The following ZNF732 variants were observed in gnomAD, a reference collection of about 807,000 sequenced individuals.
The protein encoded by ZNF732 is zinc finger protein LOC654254.
ZNF732 carries 12 observed loss-of-function variants against 11.5 expected under a neutral mutation model. That is an observed-to-expected ratio of 1.05 (90% CI 0.67 to 1.70). The LOEUF is 1.70. Among genes scored for constraint, ZNF732 ranks in the 40% most tolerant of loss-of-function variants. ZNF732 has a pLI of 0.00. For missense variants in ZNF732, 702 were observed against 676.9 expected (o/e 1.04, Z -0.41); for synonymous variants, 231 against 236.5 (o/e 0.98, Z 0.21).
At chr4:288,565 A>T (rs1380856731) in intron 3 of ZNF732, among the ~76,000 whole-genome samples, 1 of 152,164 alleles carries the variant, frequency 6.6e-6, no homozygotes. Context: ...CATGATGGTT[A>T]GTTTTTGAGT....
At chr4:299,512 T>C (rs1188854280) in intron 1 of ZNF732, among the ~76,000 whole-genome samples, 1 of 129,860 alleles carries the variant, frequency 7.7e-6, no homozygotes, top group African/African-American at 3.0e-5. Flanking sequence ...TACACACATA[T>C]ACGTATATAT....
chr4:280,024 C>A (rs1719584192), intron 3 of ZNF732, among the ~76,000 whole-genome samples: 2 of 151,922 alleles, frequency 1.3e-5, no homozygotes, highest in Non-Finnish European at 2.9e-5. Context: ...GAATTAAACA[C>A]CACATGGTCA....
chr4:271,072 A>G lies in ZNF732; in HGVS notation c.*27T>C. 1 of 1,474,568 alleles carries G rather than the reference A, an allele frequency of 6.8e-7. No homozygotes were observed. Among genetic ancestry groups the G allele is most frequent in the Non-Finnish European group, 9.0e-7 (1 of 1,106,178 alleles). 91.3% of individuals were successfully genotyped at this position (1,474,568 alleles called of 1,614,324 possible). ...GTTCATTCAGGTTTGTGGATCATCC[A>G]AAGGCTTTGCCACATTCTTCATATT... On this transcript the variant is annotated 3_prime_UTR_variant, in exon 4 of 4. Transcript: ENST00000419098.
intron 3 of ZNF732, among the ~76,000 whole-genome samples, chr4:273,753 G>A (rs1371145572): frequency 2.0e-5 from 3 of 151,654 alleles, no homozygotes; most frequent in Admixed American, 1.3e-4. Context: ...CATCTTAGGA[G>A]CTGCAAAATA....
intron 3 of ZNF732, among the ~76,000 whole-genome samples, chr4:275,983 T>G (rs1719487090): frequency 6.6e-6 from 1 of 151,758 alleles, no homozygotes; most frequent in South Asian, 2.1e-4. Flanking sequence ...AAATTATTAA[T>G]AAAATGACTA....
intron 3 of ZNF732, among the ~76,000 whole-genome samples, chr4:276,098 A>G (rs1719489501): frequency 6.6e-6 from 1 of 151,824 alleles, no homozygotes; most frequent in Non-Finnish European, 1.5e-5. Context: ...TTCAAATCAC[A>G]AAAGTGTTAC....
At chr4:295,364 C>T in intron 3 of ZNF732, 74 bp downstream of exon 3, 2 of 1,253,374 alleles carry the variant, frequency 1.6e-6, no homozygotes, top group Non-Finnish European at 1.1e-6. Flanking sequence ...TCCCAAACTA[C>T]ATTTTAAGGC....
chr4:291,485 T>C (rs1553841339), intron 3 of ZNF732, among the ~76,000 whole-genome samples: 1 of 152,044 alleles, frequency 6.6e-6, no homozygotes, highest in Non-Finnish European at 1.5e-5. Context: ...TCAAAATAAA[T>C]TTAACCAATG....
chr4:299,569 A>T (rs1216058933), intron 1 of ZNF732, among the ~76,000 whole-genome samples: 2 of 139,176 alleles, frequency 1.4e-5, no homozygotes, highest in East Asian at 2.0e-4. Context: ...ATATAGTTTT[A>T]TATATATAAT....
At chr4:290,156 A>G (rs370706133) in intron 3 of ZNF732, among the ~76,000 whole-genome samples, 67 of 152,332 alleles carry the variant, frequency 4.4e-4, no homozygotes, top group African/African-American at 1.3e-3. Context: ...CCTACAAAAC[A>G]TAAGTAGAAA....
chr4:283,988 G>A (rs1245097961), intron 3 of ZNF732, among the ~76,000 whole-genome samples: 3 of 152,020 alleles, frequency 2.0e-5, no homozygotes, highest in Non-Finnish European at 4.4e-5. Flanking sequence ...TCGGCTCACT[G>A]CAAGTTCCGC....
chr4:280,290 G>GT (rs1197082198), intron 3 of ZNF732, among the ~76,000 whole-genome samples: 3 of 55,024 alleles, frequency 5.5e-5, no homozygotes, highest in African/African-American at 1.1e-4. Context: ...ATGTACAGCA[G>GT]TAAGAAAAAA....
intron 1 of ZNF732, among the ~76,000 whole-genome samples, chr4:299,188 G>C (rs1480272183): frequency 2.6e-5 from 4 of 151,682 alleles, no homozygotes; most frequent in Non-Finnish European, 5.9e-5. Context: ...TTCTCTCATG[G>C]AGGCTCCTTC....
Position 295,766 on chromosome 4 carries a change from G to C in ZNF732, c.131-233C>G, listed in dbSNP as rs533095842. Among the ~76,000 whole-genome samples, 3 of 152,230 alleles carry C rather than the reference G, an allele frequency of 2.0e-5. No individual in the cohort carries two copies. The East Asian group carries it at 5.8e-4, about 29-fold the overall frequency. ...GTGCAAATTGTATTTTAAGATGTGG[G>C]AAACAATAATTTATGTCATTGAATT... On this transcript the variant is annotated intron_variant, in intron 2 of 3. Coordinates refer to ENST00000419098, the MANE Select transcript of ZNF732 (RefSeq NM_001137608.3).
At chr4:304,757 G>A (rs1437932019) in intron 1 of ZNF732, among the ~76,000 whole-genome samples, 1 of 152,240 alleles carries the variant, frequency 6.6e-6, no homozygotes, top group Non-Finnish European at 1.5e-5. Flanking sequence ...GAACAGCCAC[G>A]CGGAGGAGGC....
intron 3 of ZNF732, among the ~76,000 whole-genome samples, chr4:274,869 ATG>A (rs1489028204): frequency 2.0e-5 from 3 of 151,806 alleles, no homozygotes; most frequent in East Asian, 1.9e-4. Flanking sequence ...ATACGTTAAT[ATG>A]TGTGTGTGTC....
At chr4:274,216 CACA>C (rs1387915786) in intron 3 of ZNF732, among the ~76,000 whole-genome samples, 3 of 151,470 alleles carry the variant, frequency 2.0e-5, no homozygotes, top group Non-Finnish European at 3.0e-5. Context: ...GGTAATAATA[CACA>C]ACAACAATAT....
At chr4:289,483 TG>T (rs1719797018) in intron 3 of ZNF732, among the ~76,000 whole-genome samples, 1 of 152,252 alleles carries the variant, frequency 6.6e-6, no homozygotes, top group East Asian at 1.9e-4. Flanking sequence ...CTTTGAACTC[TG>T]ATTACCAGAA....
At chr4:289,219 G>A (rs1719791570) in intron 3 of ZNF732, among the ~76,000 whole-genome samples, 1 of 152,226 alleles carries the variant, frequency 6.6e-6, no homozygotes, top group Non-Finnish European at 1.5e-5. Flanking sequence ...TTTACCTAAT[G>A]ATTTCTGTGA....
Sources: allele counts gnomAD v4.1 joint callset (sites outside exome capture counted in the v4.1 genomes callset), GRCh38; gene constraint gnomAD v4.1.1; transcripts MANE v1.5; gene names NCBI Gene and HGNC (gene_info 2026-07-23, HGNC 2026-07-21).